CLCN4: variants seen among roughly 807,000 people sequenced by gnomAD.
CLCN4 encodes Cl-/H+ antiporter 4.
CLCN4 carries 1 observed loss-of-function variant against 41.7 expected under a neutral mutation model. That is an observed-to-expected ratio of 0.02 (90% CI 0.01 to 0.11). CLCN4 has a LOEUF of 0.11. CLCN4 is among the 10% of genes least tolerant of loss of function. CLCN4 has a pLI of 1.00. For synonymous variants in CLCN4, 277 were observed against 285.8 expected (o/e 0.97, Z 0.31); for missense variants, 287 against 661.0 (o/e 0.43, Z 6.20).
intron 2 of CLCN4, among the ~76,000 whole-genome samples, chrX:10,176,302 G>A (rs749782514): frequency 8.0e-5 from 9 of 112,449 alleles, no homozygotes; most frequent in Non-Finnish European, 1.3e-4. Context: ...AGCACAGCCT[G>A]CAGGCCAGAT....
intron 12 of CLCN4, among the ~76,000 whole-genome samples, chrX:10,225,393 C>T (rs1924964812): frequency 8.9e-6 from 1 of 112,305 alleles, no homozygotes; most frequent in Admixed American, 9.4e-5. Flanking sequence ...ATATAAATGT[C>T]TTCTTTTGAG....
At position 10,161,905 on chromosome X, in the gene CLCN4, G is replaced by A. The variant is rs747541759; in HGVS notation, c.-12+3354G>A. Among the ~76,000 whole-genome samples, 9 of 110,718 alleles carry A rather than the reference G, an allele frequency of 8.1e-5. No homozygotes were observed. In the East Asian group the frequency reaches 2.6e-3, roughly 31 times the overall value. On this transcript the variant is annotated intron_variant, in intron 2 of 12. Coordinates refer to ENST00000380833, the MANE Select transcript of CLCN4 (RefSeq NM_001830.4). Reference sequence around the variant, plus strand: ...AGCCCTACAAAAGGGTCCATCTGCCGTGGTGAGGACCCGAGGTCCATTCCA... The same window carrying A: ...AGCCCTACAAAAGGGTCCATCTGCCATGGTGAGGACCCGAGGTCCATTCCA...
chrX:10,190,604 G>A (rs1923935791), intron 4 of CLCN4, among the ~76,000 whole-genome samples: 1 of 111,788 alleles, frequency 8.9e-6, no homozygotes, highest in East Asian at 2.8e-4. Flanking sequence ...AGCATTAAGC[G>A]GAACCAAGCT....
At chrX:10,173,132 C>T (rs1390140883) in intron 2 of CLCN4, among the ~76,000 whole-genome samples, 1 of 111,428 alleles carries the variant, frequency 9.0e-6, no homozygotes. Flanking sequence ...ATCTCCAAGA[C>T]CCTGCCAACC....
chrX:10,195,639 T>C (rs1371272820), intron 5 of CLCN4, among the ~76,000 whole-genome samples: 1 of 111,931 alleles, frequency 8.9e-6, no homozygotes, highest in Non-Finnish European at 1.9e-5. Flanking sequence ...CCATTAGCAG[T>C]CACTCCCATG....
intron 1 of CLCN4, among the ~76,000 whole-genome samples, chrX:10,158,065 A>G (rs2147153767): frequency 8.9e-6 from 1 of 112,866 alleles, no homozygotes; most frequent in Admixed American, 9.4e-5. Context: ...AACTCTAGGC[A>G]AAGTATGTCC....
intron 2 of CLCN4, among the ~76,000 whole-genome samples, chrX:10,183,460 TA>T (rs1844420432): frequency 1.8e-5 from 2 of 112,550 alleles, no homozygotes; most frequent in Admixed American, 9.4e-5. Flanking sequence ...CAAATGTTTT[TA>T]TAACCACCCT....
chrX:10,203,271 A>G (rs1924288430), intron 6 of CLCN4, among the ~76,000 whole-genome samples: 1 of 111,806 alleles, frequency 8.9e-6, no homozygotes, highest in South Asian at 3.7e-4. Context: ...GAATTGTGGC[A>G]GGCGTAATAA....
intron 6 of CLCN4, among the ~76,000 whole-genome samples, chrX:10,205,190 T>C (rs1023381463): frequency 1.8e-5 from 2 of 111,398 alleles, no homozygotes; most frequent in African/African-American, 6.5e-5. Flanking sequence ...AGAAACAAAA[T>C]GGGCCAGTTG....
chrX:10,171,863 C>T (rs1008972831), intron 2 of CLCN4, among the ~76,000 whole-genome samples: 1 of 111,874 alleles, frequency 8.9e-6, no homozygotes, highest in Non-Finnish European at 1.9e-5. Flanking sequence ...CAGGGAAGGT[C>T]CTTAGAGACT....
At chrX:10,189,278 C>T (rs1032015118) in intron 4 of CLCN4, among the ~76,000 whole-genome samples, 2 of 112,402 alleles carry the variant, frequency 1.8e-5, no homozygotes, top group African/African-American at 6.5e-5. Context: ...AGCTTAGATT[C>T]ATTGACTGAC....
At chrX:10,230,150 G>A (rs1369341507) in intron 12 of CLCN4, among the ~76,000 whole-genome samples, 1 of 111,910 alleles carries the variant, frequency 8.9e-6, no homozygotes, top group Non-Finnish European at 1.9e-5. Context: ...TATATATTCT[G>A]CTTATTAATC....
intron 11 of CLCN4, among the ~76,000 whole-genome samples, chrX:10,218,697 T>G (rs776312249): frequency 1.8e-5 from 2 of 112,637 alleles, no homozygotes; most frequent in Non-Finnish European, 3.7e-5. Context: ...TCTTAGCACC[T>G]CTACCCACAA....
chrX:10,224,574 C>G (rs1924943841), intron 12 of CLCN4, among the ~76,000 whole-genome samples: 1 of 110,105 alleles, frequency 9.1e-6, no homozygotes, highest in Admixed American at 9.7e-5. Flanking sequence ...GGGGACTGTT[C>G]TGTTTTTTCT....
At chrX:10,231,322 C>T (rs188619478) in intron 12 of CLCN4, among the ~76,000 whole-genome samples, 4 of 111,642 alleles carry the variant, frequency 3.6e-5, no homozygotes, top group South Asian at 3.7e-4. Flanking sequence ...TCTTCTAAGA[C>T]GTTTTCTTTA....
intron 4 of CLCN4, among the ~76,000 whole-genome samples, chrX:10,191,441 A>C (rs1470119792): frequency 4.5e-5 from 5 of 112,345 alleles, no homozygotes; most frequent in African/African-American, 1.6e-4. Context: ...TTATCCATTG[A>C]TGGATATTTG....
At position 10,216,002 on chromosome X, in the gene CLCN4, G is replaced by A. The variant is rs757129396; in HGVS notation, c.1975+1923G>A. 2.7e-5 allele frequency among the ~76,000 whole-genome samples: 3 copies of A among 111,810 alleles called. No individual in the cohort carries two copies. In the East Asian group the frequency reaches 8.4e-4, roughly 31 times the overall value. ...TTTTCTGGCCTGTGGAAATAGAAGA[G>A]CCCCTGTACTCTGGTGGAGAAATAC... On this transcript the variant is annotated intron_variant, in intron 11 of 12. Transcript: ENST00000380833.
chrX:10,180,660 G>A (rs1475438635), intron 2 of CLCN4, among the ~76,000 whole-genome samples: 1 of 107,721 alleles, frequency 9.3e-6, no homozygotes, highest in Non-Finnish European at 1.9e-5. Flanking sequence ...CCAGCTACTT[G>A]GGAGGCTGAG....
rs1357617734 is a variant in CLCN4, at chrX:10,233,939, T to C, written c.*355T>C. On this transcript the variant is annotated 3_prime_UTR_variant, in exon 13 of 13. Transcript: ENST00000380833. ...TACTCCTTCTGCTCAAGGCTGATGT[T>C]TGTAACTTATGAACACACGTGAAGT... 6.8e-6 allele frequency: 1 copy of C among 146,155 alleles called. No individual in the cohort carries two copies. The highest frequency in any genetic ancestry group is 3.2e-5 in the African/African-American group (1 of 31,699). 12.0% of individuals were successfully genotyped at this position (146,155 alleles called of 1,213,427 possible).
Sources: allele counts gnomAD v4.1 joint callset (sites outside exome capture counted in the v4.1 genomes callset), GRCh38; gene constraint gnomAD v4.1.1; transcripts MANE v1.5; gene names NCBI Gene and HGNC (gene_info 2026-07-23, HGNC 2026-07-21).